EYA4: variants seen among roughly 807,000 people sequenced by gnomAD.
EYA4 encodes protein phosphatase EYA4.
Under a neutral mutation model 87.9 loss-of-function variants are expected in EYA4, and 31 were observed. The ratio of observed to expected loss-of-function variants is 0.35; its 90% CI spans 0.27 to 0.48. The LOEUF (loss-of-function observed/expected upper bound fraction) is 0.48, where lower values mean the gene tolerates loss of function less well. Ranked by LOEUF, EYA4 falls within the 20% of genes least tolerant of loss-of-function variation. The pLI is 0.99. For synonymous variants in EYA4, 263 were observed against 270.6 expected (o/e 0.97, Z 0.28); for missense variants, 678 against 761.4 (o/e 0.89, Z 1.29).
chr6:133,307,672 G>T (rs1235361679), intron 2 of EYA4, among the ~76,000 whole-genome samples: 1 of 152,064 alleles, frequency 6.6e-6, no homozygotes, highest in Non-Finnish European at 1.5e-5. Flanking sequence ...AGTTACTGAG[G>T]CCTTACCATG....
intron 3 of EYA4, among the ~76,000 whole-genome samples, chr6:133,415,756 T>C (rs1562394605): frequency 6.6e-6 from 1 of 152,146 alleles, no homozygotes; most frequent in Admixed American, 6.5e-5. Flanking sequence ...ACATTGTAGG[T>C]GCTCTGTAAA....
intron 1 of EYA4, among the ~76,000 whole-genome samples, chr6:133,274,151 A>G (rs1776972060): frequency 6.6e-6 from 1 of 152,192 alleles, no homozygotes; most frequent in Admixed American, 6.5e-5. Flanking sequence ...ATAGTGTATT[A>G]CTAATTATCT....
In EYA4 at chr6:133,378,254, A is replaced by G. The variant is rs1002480758; in HGVS notation, c.34-4138A>G. ...CTTAAGTTGTAATTCCAGCCTTGCTAGTGTTAGCTGTGGGATATTAGGCAA... is the reference window on the plus strand; with the variant it reads ...CTTAAGTTGTAATTCCAGCCTTGCTGGTGTTAGCTGTGGGATATTAGGCAA... On this transcript the variant is annotated intron_variant, in intron 2 of 19. Transcript: ENST00000355286. 2.6e-5 allele frequency among the ~76,000 whole-genome samples: 4 copies of G among 152,114 alleles called. 1 individual carries two copies. Among genetic ancestry groups the G allele is most frequent in the Non-Finnish European group, 4.4e-5 (3 of 68,002 alleles).
chr6:133,358,227 G>A (rs1287193332), intron 2 of EYA4, among the ~76,000 whole-genome samples: 3 of 152,118 alleles, frequency 2.0e-5, no homozygotes, highest in Non-Finnish European at 4.4e-5. Flanking sequence ...CTTTAAGGTA[G>A]GGGTAATCTA....
chr6:133,491,931 G>A lies in EYA4; in HGVS notation c.1191+8816G>A, dbSNP rs1797195950. ...AGCACCACAGCACTGCAGCCTGGGGGACAGAGTGAAACTCCGTCTCAAAAA... is the reference window on the plus strand; with the variant it reads ...AGCACCACAGCACTGCAGCCTGGGGAACAGAGTGAAACTCCGTCTCAAAAA... On this transcript the variant is annotated intron_variant, in intron 13 of 19. Transcript: ENST00000355286. Among the ~76,000 whole-genome samples, 9 of 124,812 alleles carry A rather than the reference G, an allele frequency of 7.2e-5. No individual in the cohort carries two copies. In the South Asian group the frequency reaches 2.2e-3, roughly 30 times the overall value. The allele number at this position is 124,812 out of a possible 152,430, so 81.9% of individuals were successfully genotyped here. A position where few individuals can be genotyped will look rare whatever the true frequency, so the allele number is the denominator to read the frequency against.
Position 133,292,496 on chromosome 6 carries a change from G to GTT in EYA4, c.33+17685_33+17686dup, listed in dbSNP as rs1394931957. ...TAATTGAAGGCCTTAGGATATGGGTGTTTATTACATGAACATGGATTGAAT... is the reference window on the plus strand; with the variant it reads ...TAATTGAAGGCCTTAGGATATGGGTGTTTTTATTACATGAACATGGATTGAAT... On this transcript the variant is annotated intron_variant, in intron 2 of 19. Transcript: ENST00000355286. 5.3e-4 allele frequency among the ~76,000 whole-genome samples: 81 copies of GTT among 152,288 alleles called. 1 individual carries two copies. Among genetic ancestry groups the GTT allele is most frequent in the Middle Eastern group, 3.4e-3 (1 of 294 alleles).
chr6:133,446,465 ATGTT>A (rs1341122336), intron 3 of EYA4, among the ~76,000 whole-genome samples, 161 bp from the exon 4 acceptor site: 4 of 152,074 alleles, frequency 2.6e-5, no homozygotes, highest in Non-Finnish European at 5.9e-5. Flanking sequence ...ATTTGTTTGT[ATGTT>A]TGTTTCTCAT....
At chr6:133,310,906 A>G (rs1780164093) in intron 2 of EYA4, among the ~76,000 whole-genome samples, 1 of 152,172 alleles carries the variant, frequency 6.6e-6, no homozygotes. Flanking sequence ...AGATTTCTAG[A>G]AGGACTTATA....
At chr6:133,267,725 T>C (rs1349055503) in intron 1 of EYA4, among the ~76,000 whole-genome samples, 3 of 152,170 alleles carry the variant, frequency 2.0e-5, no homozygotes, top group African/African-American at 7.2e-5. Flanking sequence ...TTAAATTATA[T>C]TATACAACTG....
intron 2 of EYA4, among the ~76,000 whole-genome samples, chr6:133,343,536 T>TACC (rs1279302235): frequency 1.3e-5 from 2 of 149,646 alleles, no homozygotes; most frequent in East Asian, 2.0e-4. Context: ...AGCTCAACAA[T>TACC]ACCACCACCA....
At chr6:133,339,724 A>G (rs867153977) in intron 2 of EYA4, among the ~76,000 whole-genome samples, 2 of 152,154 alleles carry the variant, frequency 1.3e-5, no homozygotes, top group Non-Finnish European at 2.9e-5. Context: ...AAGAGAAAAC[A>G]TTGTATTTAG....
chr6:133,487,919 C>T (rs745494174), intron 13 of EYA4, among the ~76,000 whole-genome samples: 2 of 152,058 alleles, frequency 1.3e-5, no homozygotes, highest in Non-Finnish European at 2.9e-5. Context: ...GATAGGGCAC[C>T]AAGTCGGCAT....
At chr6:133,291,485 A>G (rs1375900437) in intron 2 of EYA4, among the ~76,000 whole-genome samples, 1 of 152,218 alleles carries the variant, frequency 6.6e-6, no homozygotes, top group Non-Finnish European at 1.5e-5. Flanking sequence ...TGATATAAAC[A>G]TGATTTTATA....
chr6:133,469,781 A>G (rs1199253707), intron 11 of EYA4, among the ~76,000 whole-genome samples: 1 of 152,078 alleles, frequency 6.6e-6, no homozygotes, highest in African/African-American at 2.4e-5. Flanking sequence ...CCTGGGCTAC[A>G]TAAAGATTTT....
intron 2 of EYA4, among the ~76,000 whole-genome samples, chr6:133,381,403 C>A (rs1786205871): frequency 6.6e-6 from 1 of 152,072 alleles, no homozygotes; most frequent in Admixed American, 6.6e-5. Flanking sequence ...AAAGACAATG[C>A]TGTATCTTCA....
chr6:133,298,871 G>A (rs758522525), intron 2 of EYA4, among the ~76,000 whole-genome samples: 47 of 152,264 alleles, frequency 3.1e-4, no homozygotes, highest in Non-Finnish European at 6.5e-4. Context: ...TTCATTGACC[G>A]AATGCCTTTT....
At chr6:133,500,354 T>G (rs935331912) in intron 13 of EYA4, among the ~76,000 whole-genome samples, 3 of 152,098 alleles carry the variant, frequency 2.0e-5, no homozygotes, top group African/African-American at 4.8e-5. Flanking sequence ...GTCCTCCTTA[T>G]GTACCACTAT....
At chr6:133,522,158 A>G (rs1800230424) in intron 17 of EYA4, among the ~76,000 whole-genome samples, 1 of 144,630 alleles carries the variant, frequency 6.9e-6, no homozygotes, top group African/African-American at 2.6e-5. Flanking sequence ...GTGCATCTAC[A>G]TGGTAGAGTA....
intron 2 of EYA4, among the ~76,000 whole-genome samples, chr6:133,342,722 G>T (rs1782895971): frequency 6.6e-6 from 1 of 151,350 alleles, no homozygotes; most frequent in Admixed American, 6.6e-5. Flanking sequence ...AACAGGTATT[G>T]ACAAAGAGGA....
Sources: gnomAD v4.1 joint callset for allele counts (sites outside exome capture counted in the v4.1 genomes callset) on GRCh38, gnomAD v4.1.1 for gene constraint, MANE v1.5 for transcripts, NCBI Gene and HGNC (gene_info 2026-07-23, HGNC 2026-07-21) for gene names.